Variants in NRG3 observed in about 807,000 individuals in gnomAD.
NRG3 encodes the protein neuregulin 3.
A neutral mutation model predicts 66.9 loss-of-function variants in NRG3; 31 were observed. That is an observed-to-expected ratio of 0.46 (90% CI 0.35 to 0.63). The LOEUF (loss-of-function observed/expected upper bound fraction) is 0.63, where lower values mean the gene tolerates loss of function less well. NRG3 is among the 20% of genes least tolerant of loss of function. The pLI, the probability that NRG3 is intolerant of heterozygous loss-of-function variation, is 0.00. For missense variants in NRG3, 910 were observed against 878.9 expected, an observed-to-expected ratio of 1.04 and a Z score of -0.45; for synonymous variants, 393 against 359.4, an observed-to-expected ratio of 1.09 and a Z score of -1.06.
At chr10:82,807,340 G>T (rs572578350) in intron 3 of NRG3, among the ~76,000 whole-genome samples, 2 of 152,154 alleles carry the variant, frequency 1.3e-5, no homozygotes, top group African/African-American at 4.8e-5. Context: ...AAGTAAACTT[G>T]CAAGGACTCA....
At chr10:82,017,628 A>G (rs1359956203) in intron 1 of NRG3, among the ~76,000 whole-genome samples, 3 of 152,120 alleles carry the variant, frequency 2.0e-5, no homozygotes, top group Non-Finnish European at 4.4e-5. Flanking sequence ...AATGATCGCC[A>G]TTCTAACTGG....
chr10:82,759,861 A>G (rs753604376), intron 3 of NRG3, among the ~76,000 whole-genome samples: 3 of 152,136 alleles, frequency 2.0e-5, no homozygotes, highest in Non-Finnish European at 4.4e-5. Flanking sequence ...TTGATGAAAT[A>G]ATAAGAAACA....
chr10:82,651,922 C>A (rs1230589250), intron 2 of NRG3, among the ~76,000 whole-genome samples: 3 of 152,214 alleles, frequency 2.0e-5, no homozygotes, highest in African/African-American at 7.2e-5. Context: ...GACCTCTTCA[C>A]GGGACTCACA....
At chr10:82,762,140 G>A (rs574016041) in intron 3 of NRG3, among the ~76,000 whole-genome samples, 2 of 150,594 alleles carry the variant, frequency 1.3e-5, no homozygotes, top group Admixed American at 6.6e-5. Flanking sequence ...TGCAGCCTCC[G>A]CCTCGCCAGC....
intron 2 of NRG3, among the ~76,000 whole-genome samples, chr10:82,398,172 G>A (rs1047134755): frequency 6.6e-6 from 1 of 152,104 alleles, no homozygotes; most frequent in South Asian, 2.1e-4. Context: ...AGAATCAAGG[G>A]AAGTGGGAAA....
At chr10:82,191,092 G>A (rs1177226499) in intron 1 of NRG3, among the ~76,000 whole-genome samples, 1 of 152,074 alleles carries the variant, frequency 6.6e-6, no homozygotes, top group Non-Finnish European at 1.5e-5. Flanking sequence ...GTTAAAGCAG[G>A]ATGAGCTTGT....
At chr10:82,341,190 G>A (rs953955771) in intron 1 of NRG3, among the ~76,000 whole-genome samples, 1 of 152,064 alleles carries the variant, frequency 6.6e-6, no homozygotes, top group Admixed American at 6.6e-5. Flanking sequence ...CAAGATGAAT[G>A]AACTACTAAA....
intron 3 of NRG3, among the ~76,000 whole-genome samples, chr10:82,811,779 C>G (rs762201747): frequency 8.5e-5 from 13 of 152,220 alleles, no homozygotes; most frequent in Non-Finnish European, 1.8e-4. Context: ...TGCTTTCCTT[C>G]CCTGCCATGG....
intron 3 of NRG3, among the ~76,000 whole-genome samples, chr10:82,818,416 A>T (rs1196774676): frequency 6.6e-6 from 1 of 152,116 alleles, no homozygotes; most frequent in East Asian, 1.9e-4. Context: ...GCAGGACAGG[A>T]GGCCTGTGGA....
At chr10:82,635,722 G>A (rs1237341176) in intron 2 of NRG3, among the ~76,000 whole-genome samples, 1 of 152,122 alleles carries the variant, frequency 6.6e-6, no homozygotes, top group Non-Finnish European at 1.5e-5. Context: ...TACCAAACTA[G>A]AATGTTCTCT....
At chr10:81,893,035 A>G (rs748023953) in intron 1 of NRG3, among the ~76,000 whole-genome samples, 1 of 152,178 alleles carries the variant, frequency 6.6e-6, no homozygotes, top group South Asian at 2.1e-4. Context: ...CAAAGTGGCT[A>G]GTTTATCATT....
At chr10:82,094,288 A>G (rs11192465) in intron 1 of NRG3, among the ~76,000 whole-genome samples, 4,173 of 152,296 alleles carry the variant, frequency 0.027, 198 homozygotes, top group African/African-American at 0.096. Flanking sequence ...TAAAACCATC[A>G]TGAGACACTG....
At chr10:82,840,046 G>C (rs1189644750) in intron 3 of NRG3, among the ~76,000 whole-genome samples, 3 of 151,922 alleles carry the variant, frequency 2.0e-5, no homozygotes, top group Non-Finnish European at 4.4e-5. Context: ...TATTTGTTCA[G>C]TCCTAATATG....
intron 8 of NRG3, chr10:82,984,692 T>C (rs963209552): frequency 7.5e-7 from 1 of 1,327,544 alleles, no homozygotes; most frequent in Non-Finnish European, 1.1e-6. Flanking sequence ...GTCGAGTTGA[T>C]GGAGTGGACT....
At chr10:81,957,605 T>G (rs1427264202) in intron 1 of NRG3, among the ~76,000 whole-genome samples, 1 of 152,240 alleles carries the variant, frequency 6.6e-6, no homozygotes, top group Non-Finnish European at 1.5e-5. Flanking sequence ...GTCTTTCTGT[T>G]ACTCTATTCC....
At chr10:82,747,576 G>T (rs1249799900) in intron 3 of NRG3, among the ~76,000 whole-genome samples, 1 of 151,844 alleles carries the variant, frequency 6.6e-6, no homozygotes, top group East Asian at 1.9e-4. Context: ...TACCTTGATT[G>T]CCAGCAATAT....
At chr10:82,580,781 T>C (rs974270546) in intron 2 of NRG3, among the ~76,000 whole-genome samples, 18 of 152,014 alleles carry the variant, frequency 1.2e-4, no homozygotes, top group Non-Finnish European at 1.9e-4. Context: ...GTACCATAGA[T>C]TGTTTATTCT....
intron 3 of NRG3, among the ~76,000 whole-genome samples, chr10:82,828,594 T>C (rs1332281584): frequency 6.6e-6 from 1 of 152,194 alleles, no homozygotes; most frequent in Non-Finnish European, 1.5e-5. Flanking sequence ...AGTCTTGCAG[T>C]TACAAGAATG....
intron 3 of NRG3, among the ~76,000 whole-genome samples, chr10:82,817,385 T>C (rs2061756779): frequency 6.6e-6 from 1 of 152,320 alleles, no homozygotes; most frequent in East Asian, 1.9e-4. Context: ...ATGGTAGATT[T>C]TTTCTATATT....
Sources: gnomAD v4.1 joint callset for allele counts (sites outside exome capture counted in the v4.1 genomes callset) on GRCh38, gnomAD v4.1.1 for gene constraint, MANE v1.5 for transcripts, NCBI Gene and HGNC (gene_info 2026-07-23, HGNC 2026-07-21) for gene names.